The following SGCD variants were observed in gnomAD, a reference collection of about 807,000 sequenced individuals.
SGCD encodes sarcoglycan delta.
SGCD carries 18 observed loss-of-function variants against 36.6 expected under a neutral mutation model. The observed-to-expected ratio is 0.49, with a 90% CI of 0.34 to 0.73. SGCD has a LOEUF of 0.73. Among genes scored for constraint, SGCD ranks in the 30% least tolerant of loss-of-function variants. The pLI is 0.01. For synonymous variants in SGCD, 133 were observed against 130.6 expected, an observed-to-expected ratio of 1.02 and a Z score of -0.12; for missense variants, 387 against 346.7, an observed-to-expected ratio of 1.12 and a Z score of -0.92.
intron 4 of SGCD, among the ~76,000 whole-genome samples, chr5:156,519,106 TAAG>T (rs944664474): frequency 1.5e-4 from 22 of 150,602 alleles, no homozygotes; most frequent in African/African-American, 5.1e-4. Context: ...GCTAGACTAA[TAAG>T]AGAAGAATCA....
At chr5:156,668,869 G>A (rs556350630) in intron 7 of SGCD, among the ~76,000 whole-genome samples, 1 of 152,256 alleles carries the variant, frequency 6.6e-6, no homozygotes, top group African/African-American at 2.4e-5. Context: ...CTTAAGGAAA[G>A]TCGAAAGCAA....
At chr5:156,078,555 T>A (rs1166753572) in intron 1 of SGCD, among the ~76,000 whole-genome samples, 5 of 128,828 alleles carry the variant, frequency 3.9e-5, no homozygotes, top group Admixed American at 8.2e-5. Context: ...ATATATATAT[T>A]TATATTTATA....
At chr5:155,810,905 C>T in the SGCD span, among the ~76,000 whole-genome samples, 1 of 117,530 alleles carries the variant, frequency 8.5e-6, no homozygotes, top group Non-Finnish European at 1.7e-5. Flanking sequence ...GCAAGCTCCG[C>T]CTCCCAGGTT....
rs528693665 is a variant in SGCD at position 155,884,923 on chromosome 5, A to G, written c.-282+14499A>G. On this transcript the variant is annotated intron_variant, in intron 1 of 9. Coordinates refer to the SGCD transcript ENST00000517913. ...GATGAAGACGATAATGACAACGACGATAACTGCCATGACATGTTTTGTGTA... is the reference window on the plus strand; with the variant it reads ...GATGAAGACGATAATGACAACGACGGTAACTGCCATGACATGTTTTGTGTA... Among the ~76,000 whole-genome samples, 6 of 117,440 alleles carry G rather than the reference A, an allele frequency of 5.1e-5. 1 individual carries two copies. The South Asian group carries it at 9.8e-4, about 19-fold the overall frequency. The allele number at this position is 117,440 out of a possible 152,430, so 77.0% of individuals were successfully genotyped here.
At position 156,423,422 on chromosome 5, in the gene SGCD, TTTA is replaced by T. The variant is rs1561686090; in HGVS notation, c.192+78746_192+78748del. On this transcript the variant is annotated intron_variant, in intron 3 of 8. Coordinates refer to ENST00000337851, the MANE Select transcript of SGCD (RefSeq NM_000337.6). ...TTTATTATAATATAATATATTATAT[TTTA>T]ATAAAATATAATATATTTATTTTAT... Among the ~76,000 whole-genome samples, 76 of 119,300 alleles carry T rather than the reference TTTA, an allele frequency of 6.4e-4. 1 individual carries two copies. The highest frequency in any genetic ancestry group is 8.6e-4 in the Non-Finnish European group (51 of 59,484). The allele number at this position is 119,300 out of a possible 152,430, so 78.3% of individuals were successfully genotyped here.
chr5:156,231,429 G>A (rs1253134488), intron 3 of SGCD, among the ~76,000 whole-genome samples: 1 of 152,122 alleles, frequency 6.6e-6, no homozygotes, highest in Non-Finnish European at 1.5e-5. Context: ...CCAGCTACTT[G>A]GGAGGCTGAG....
At chr5:156,405,291 A>T (rs1772348722) in intron 3 of SGCD, among the ~76,000 whole-genome samples, 1 of 152,222 alleles carries the variant, frequency 6.6e-6, no homozygotes, top group South Asian at 2.1e-4. Flanking sequence ...AGGCGATGAC[A>T]AATAAATGCC....
chr5:156,602,838 T>A (rs968409668), intron 6 of SGCD, among the ~76,000 whole-genome samples: 1 of 152,212 alleles, frequency 6.6e-6, no homozygotes, highest in East Asian at 1.9e-4. Flanking sequence ...TTAAATTCAG[T>A]CAGTTAATAT....
intron 7 of SGCD, among the ~76,000 whole-genome samples, chr5:156,720,354 C>T (rs282465): frequency 0.43 from 64,842 of 151,898 alleles, 13,973 homozygotes; most frequent in East Asian, 0.56. Flanking sequence ...TGGTCAGGAA[C>T]GACCTTTCTA....
chr5:156,178,320 G>A (rs998992454), intron 3 of SGCD, among the ~76,000 whole-genome samples: 2 of 152,126 alleles, frequency 1.3e-5, no homozygotes, highest in African/African-American at 4.8e-5. Context: ...CTTCGAGTGC[G>A]TCAGCGTGGA....
rs905121936 is a variant in SGCD at position 156,333,237 on chromosome 5, A to G, written c.3+3658A>G. Among the ~76,000 whole-genome samples, 9 of 152,224 alleles carry G rather than the reference A, an allele frequency of 5.9e-5. No individual in the cohort carries two copies. The East Asian group carries it at 9.6e-4, about 16-fold the overall frequency. On this transcript the variant is annotated intron_variant, in intron 2 of 8. Coordinates refer to ENST00000337851, the MANE Select transcript of SGCD (RefSeq NM_000337.6). ...TTTTATGAAACTATTGAATCACTAT[A>G]GAAGGATGTGCCTAATTTGTTGTAG...
At chr5:156,280,429 A>C (rs890727082) in intron 3 of SGCD, among the ~76,000 whole-genome samples, 2 of 152,240 alleles carry the variant, frequency 1.3e-5, no homozygotes, top group African/African-American at 4.8e-5. Context: ...TAGCAATTTT[A>C]GAAATTCTTC....
chr5:156,005,428 T>TTTGTTGTTG lies in SGCD; in HGVS notation c.-281-112420_-281-112412dup, dbSNP rs5872447. On this transcript the variant is annotated intron_variant, in intron 1 of 9. Coordinates refer to the SGCD transcript ENST00000517913. Reference sequence around the variant, plus strand: ...TCGCTTTCAAGAGTAGTCTTCAGTTTTTGTTGTTGTTGTTGTTGTTGTTGT... The same window carrying TTTGTTGTTG: ...TCGCTTTCAAGAGTAGTCTTCAGTTTTTGTTGTTGTTGTTGTTGTTGTTGTTGTTGTTGT... Among the ~76,000 whole-genome samples the TTTGTTGTTG allele has an allele frequency of 2.2e-3, 325 of 150,616 alleles. 4 individuals are homozygous for TTTGTTGTTG. The highest frequency in any genetic ancestry group is 3.1e-3 in the Non-Finnish European group (210 of 67,682).
At chr5:156,259,239 C>G (rs954583780) in intron 3 of SGCD, among the ~76,000 whole-genome samples, 3 of 151,880 alleles carry the variant, frequency 2.0e-5, no homozygotes, top group African/African-American at 7.2e-5. Flanking sequence ...AGCATCTTTC[C>G]ATGCCTAGTG....
At chr5:156,114,254 A>G (rs1421227708) in intron 1 of SGCD, among the ~76,000 whole-genome samples, 1 of 152,088 alleles carries the variant, frequency 6.6e-6, no homozygotes, top group East Asian at 1.9e-4. Context: ...GTGGAGCACA[A>G]GGGATATATA....
At chr5:156,107,870 A>G (rs531685095) in intron 1 of SGCD, among the ~76,000 whole-genome samples, 3 of 152,304 alleles carry the variant, frequency 2.0e-5, no homozygotes, top group African/African-American at 7.2e-5. Context: ...TAAATAATGT[A>G]GAAACATGTG....
chr5:155,826,202 T>C, the SGCD span, among the ~76,000 whole-genome samples: 3 of 152,208 alleles, frequency 2.0e-5, no homozygotes. Context: ...TGCTATCCTA[T>C]GTCTGTCACA....
chr5:155,735,434 A>G, the SGCD span, among the ~76,000 whole-genome samples: 2 of 152,200 alleles, frequency 1.3e-5, no homozygotes, highest in Admixed American at 6.5e-5. Context: ...AGTGAGAACC[A>G]AGGTTAGAGA....
chr5:156,607,536 G>C (rs1337062997), intron 6 of SGCD, among the ~76,000 whole-genome samples: 1 of 152,152 alleles, frequency 6.6e-6, no homozygotes, highest in Middle Eastern at 3.2e-3. Context: ...GCCAGGCTTT[G>C]GTATCAGGAT....
Sources: allele counts gnomAD v4.1 joint callset (sites outside exome capture counted in the v4.1 genomes callset), GRCh38; gene constraint gnomAD v4.1.1; transcripts MANE v1.5; gene names NCBI Gene and HGNC (gene_info 2026-07-23, HGNC 2026-07-21).